DOCK8: variants seen among roughly 807,000 people sequenced by gnomAD.
DOCK8 encodes dedicator of cytokinesis 8.
Under a neutral mutation model 245.6 loss-of-function variants are expected in DOCK8, and 141 were observed. The ratio of observed to expected loss-of-function variants is 0.57; its 90% CI spans 0.50 to 0.66. The LOEUF is 0.66. Among genes scored for constraint, DOCK8 ranks in the 30% least tolerant of loss-of-function variants. The pLI, the probability that DOCK8 is intolerant of heterozygous loss-of-function variation, is 0.00. For missense variants in DOCK8, 2,965 were observed against 2,603.4 expected, an observed-to-expected ratio of 1.14 and a Z score of -3.02; for synonymous variants, 1,168 against 970.2, an observed-to-expected ratio of 1.20 and a Z score of -3.79.
Position 371,425 on chromosome 9 carries a change from C to T in DOCK8, c.1869-3C>T. ...ATTTGTGTATAATGTGCTTTTGAAA[C>T]AGGTCTCCTGACTTTTATGAAGAAG... On this transcript the variant is annotated splice_region_variant and splice_polypyrimidine_tract_variant and intron_variant, in intron 16 of 47. Coordinates refer to ENST00000432829, the MANE Select transcript of DOCK8 (RefSeq NM_203447.4). 2.5e-6 allele frequency: 4 copies of T among 1,614,142 alleles called. No individual in the cohort carries two copies. Among genetic ancestry groups the T allele is most frequent in the Non-Finnish European group, 3.4e-6 (4 of 1,179,996 alleles).
intron 1 of DOCK8, chr9:215,396 T>C: frequency 1.3e-6 from 2 of 1,560,846 alleles, no homozygotes; most frequent in Non-Finnish European, 1.7e-6. Flanking sequence ...GAGTGTCTCA[T>C]AAACGGCTCC....
intron 9 of DOCK8, among the ~76,000 whole-genome samples, chr9:331,153 G>A (rs10758119): frequency 0.31 from 47,013 of 152,096 alleles, 7,903 homozygotes; most frequent in African/African-American, 0.43. Flanking sequence ...TCAGGAGAAT[G>A]GGGGCAGTGT....
At chr9:246,287 G>A (rs1312301061) in intron 1 of DOCK8, among the ~76,000 whole-genome samples, 1 of 152,144 alleles carries the variant, frequency 6.6e-6, no homozygotes, top group African/African-American at 2.4e-5. Context: ...GGAAGGCCAA[G>A]TCTGGACAAT....
chr9:431,284 A>G (rs1366597461), intron 36 of DOCK8, among the ~76,000 whole-genome samples: 2 of 152,146 alleles, frequency 1.3e-5, no homozygotes, highest in African/African-American at 4.8e-5. Context: ...TGGAATTTCC[A>G]TTTGTGGCCA....
At position 376,196 on chromosome 9, in the gene DOCK8, T is replaced by C. The variant is rs892370983; in HGVS notation, c.2110-14T>C. On this transcript the variant is annotated splice_polypyrimidine_tract_variant and intron_variant, in intron 18 of 47. Transcript: ENST00000432829. ...AATTGGATTGCTAATCTTTTTTTTT[T>C]CTCTTTAACACAGAAAGTCCCATTA... 3.2e-6 allele frequency: 5 copies of C among 1,573,654 alleles called. No homozygotes were observed. Among genetic ancestry groups the C allele is most frequent in the Middle Eastern group, 1.7e-4 (1 of 5,994 alleles).
intron 1 of DOCK8, among the ~76,000 whole-genome samples, chr9:233,354 T>C (rs1230787994): frequency 6.6e-6 from 1 of 152,216 alleles, no homozygotes; most frequent in Non-Finnish European, 1.5e-5. Flanking sequence ...GGTGTGGTGC[T>C]GAAAAGAATG....
At chr9:271,521 C>G in intron 1 of DOCK8, 106 bp from the exon 2 acceptor site, 1 of 892,992 alleles carries the variant, frequency 1.1e-6, no homozygotes, top group Non-Finnish European at 1.8e-6. Context: ...TGCTCATTGC[C>G]CAGCCAAGGC....
intron 14 of DOCK8, among the ~76,000 whole-genome samples, chr9:348,760 C>G (rs13289409): frequency 0.17 from 25,119 of 152,172 alleles, 2,262 homozygotes; most frequent in Non-Finnish European, 0.2. Flanking sequence ...GAAGTGGCTT[C>G]TTCTCTTCTG....
intron 1 of DOCK8, among the ~76,000 whole-genome samples, chr9:248,423 T>C (rs78233764): frequency 5.5e-5 from 8 of 146,764 alleles, no homozygotes; most frequent in South Asian, 2.3e-4. Flanking sequence ...TTTCTTTTAT[T>C]TTTCCCTTCC....
At chr9:331,988 A>G (rs958067819) in intron 9 of DOCK8, among the ~76,000 whole-genome samples, 4 of 152,252 alleles carry the variant, frequency 2.6e-5, no homozygotes, top group Non-Finnish European at 5.9e-5. Context: ...AATAAAGAAA[A>G]TGAGTTTTCC....
chr9:330,532 C>T (rs1696019145), intron 9 of DOCK8, among the ~76,000 whole-genome samples: 1 of 152,130 alleles, frequency 6.6e-6, no homozygotes, highest in Non-Finnish European at 1.5e-5. Flanking sequence ...TTTAGTCTGT[C>T]AGTCTAATTG....
intron 14 of DOCK8, among the ~76,000 whole-genome samples, chr9:347,147 C>G (rs2051929267): frequency 6.6e-6 from 1 of 152,168 alleles, no homozygotes; most frequent in South Asian, 2.1e-4. Context: ...AAGCGTCCCC[C>G]TCCTTCTCAT....
intron 38 of DOCK8, 141 bp from the exon 39 acceptor site, chr9:434,642 T>G (rs1212502141): frequency 1.2e-6 from 1 of 811,442 alleles, no homozygotes; most frequent in African/African-American, 1.7e-5. Flanking sequence ...TGTCTCGTTT[T>G]CTGGAAATAT....
chr9:293,555 G>A (rs187824430), intron 4 of DOCK8, among the ~76,000 whole-genome samples: 2 of 152,342 alleles, frequency 1.3e-5, no homozygotes, highest in African/African-American at 2.4e-5. Context: ...TCAGATTTCT[G>A]TATAGACACT....
At chr9:253,216 A>G (rs1298506673) in intron 1 of DOCK8, among the ~76,000 whole-genome samples, 1 of 152,184 alleles carries the variant, frequency 6.6e-6, no homozygotes, top group Non-Finnish European at 1.5e-5. Flanking sequence ...AGTCTGATGT[A>G]GGAATATCAC....
At chr9:254,299 C>G (rs998502885) in intron 1 of DOCK8, among the ~76,000 whole-genome samples, 4 of 152,224 alleles carry the variant, frequency 2.6e-5, no homozygotes, top group African/African-American at 9.6e-5. Context: ...CTCATGGACT[C>G]TGCAGATAAT....
chr9:421,914 C>T (rs925991809), intron 32 of DOCK8, 134 bp from the exon 33 acceptor site: 59 of 791,782 alleles, frequency 7.5e-5, no homozygotes, highest in Non-Finnish European at 1.2e-4. Flanking sequence ...TGTCTCCTAC[C>T]AGCAACCTGC....
At position 449,883 on chromosome 9, in the gene DOCK8, C is replaced by A. The variant is rs1317961157; in HGVS notation, c.5917C>A (p.Leu1973Ile). 6.2e-7 allele frequency: 1 copy of A among 1,613,786 alleles called. No individual in the cohort carries two copies. Among genetic ancestry groups the A allele is most frequent in the African/African-American group, 1.3e-5 (1 of 74,918 alleles). Residue 1973 changes from leucine to isoleucine, a missense_variant, in exon 45 of 48, where the codon CTT becomes ATT. By Grantham distance (5) the Leu-to-Ile change is conservative. Transcript: ENST00000432829. ...INQEPPDAKM[L>I]QMVLQGSVGA... Reference sequence around the variant, plus strand: ...CCAGGAGCCGCCTGATGCAAAGATGCTTCAGATGGTGCTGCAAGGCTCTGT... The same window carrying A: ...CCAGGAGCCGCCTGATGCAAAGATGATTCAGATGGTGCTGCAAGGCTCTGT...
chr9:401,691 TAAAC>T (rs1328226617), intron 26 of DOCK8, among the ~76,000 whole-genome samples: 2 of 151,858 alleles, frequency 1.3e-5, no homozygotes, highest in African/African-American at 4.8e-5. Context: ...AGTGAAGAAA[TAAAC>T]AACCGAGGGG....
Sources: gnomAD v4.1 joint callset for allele counts (sites outside exome capture counted in the v4.1 genomes callset) on GRCh38, gnomAD v4.1.1 for gene constraint, MANE v1.5 for transcripts, NCBI Gene and HGNC (gene_info 2026-07-23, HGNC 2026-07-21) for gene names.